Variants in CAP2 observed in about 807,000 individuals in gnomAD.
The protein encoded by CAP2 is cyclase associated actin cytoskeleton regulatory protein 2, also known as adenylyl cyclase-associated protein 2.
Under a neutral mutation model 57.7 loss-of-function variants are expected in CAP2, and 24 were observed. That is an observed-to-expected ratio of 0.42 (90% confidence interval 0.30 to 0.58). The LOEUF (loss-of-function observed/expected upper bound fraction) is 0.58. Ranked by LOEUF, CAP2 falls within the 20% of genes least tolerant of loss-of-function variation. The pLI is 0.22. For synonymous variants in CAP2, 194 were observed against 207.2 expected (o/e 0.94, Z 0.55); for missense variants, 501 against 590.3 (o/e 0.85, Z 1.57).
chr6:17,444,513 G>T (rs1234005672), intron 3 of CAP2, among the ~76,000 whole-genome samples: 1 of 151,470 alleles, frequency 6.6e-6, no homozygotes, highest in Non-Finnish European at 1.5e-5. Flanking sequence ...GGCATGCTAG[G>T]ACCTGTAGAC....
intron 1 of CAP2, among the ~76,000 whole-genome samples, chr6:17,403,266 T>A (rs1264892686): frequency 2.6e-5 from 4 of 152,194 alleles, no homozygotes; most frequent in Non-Finnish European, 5.9e-5. Flanking sequence ...CATGCCCGGC[T>A]AATTTTTTGT....
intron 3 of CAP2, among the ~76,000 whole-genome samples, chr6:17,441,972 A>C (rs1227964464): frequency 2.0e-5 from 3 of 152,214 alleles, no homozygotes; most frequent in Non-Finnish European, 4.4e-5. Context: ...TAGGAATTGT[A>C]ATGAACTCTT....
intron 7 of CAP2, among the ~76,000 whole-genome samples, chr6:17,515,121 C>T (rs1044835169): frequency 1.3e-5 from 2 of 151,570 alleles, no homozygotes; most frequent in African/African-American, 2.4e-5. Flanking sequence ...CGCTTGAATC[C>T]GGGAGGCGGA....
At position 17,513,744 on chromosome 6, in the gene CAP2, G is replaced by A. The variant is rs1369815271; in HGVS notation, c.531-105G>A. On this transcript the variant is annotated intron_variant, in intron 6 of 12. Transcript: ENST00000229922. The surrounding 1 kb of genome is among the most constrained non-coding windows in gnomAD (Gnocchi z 4.3). ...TGGGTTGCAAGGACGATTGCTCCGG[G>A]CTCCAGGGCCCCTAGTCACTAGATA... 3.6e-5 allele frequency: 26 copies of A among 731,050 alleles called. No individual in the cohort carries two copies. 45.3% of individuals were successfully genotyped at this position (731,050 alleles called of 1,614,324 possible). A position where few individuals can be genotyped will look rare whatever the true frequency, so the allele number is the denominator to read the frequency against.
intron 4 of CAP2, among the ~76,000 whole-genome samples, chr6:17,500,384 T>TA (rs869066480): frequency 4.0e-5 from 5 of 124,862 alleles, no homozygotes; most frequent in East Asian, 2.3e-4. Flanking sequence ...TATATATATA[T>TA]TTGGAGACGG....
chr6:17,454,992 C>G (rs1427216073), intron 3 of CAP2, among the ~76,000 whole-genome samples: 1 of 152,110 alleles, frequency 6.6e-6, no homozygotes, highest in Non-Finnish European at 1.5e-5. Flanking sequence ...GGTTTTGTTA[C>G]AGTAGGTTGT....
intron 4 of CAP2, among the ~76,000 whole-genome samples, chr6:17,475,460 A>G (rs773104866): frequency 1.3e-5 from 2 of 152,172 alleles, no homozygotes; most frequent in Non-Finnish European, 2.9e-5. Flanking sequence ...AGTGTTGGTG[A>G]GGCATTTCAT....
In CAP2 at chr6:17,556,677, A is replaced by T; in HGVS notation, c.*235A>T. On this transcript the variant is annotated 3_prime_UTR_variant, in exon 13 of 13. Transcript: ENST00000229922. ...TTTTAGTTCCACATGATGACTTGTGAACATTAGGGATTTAAAGGAAAAAAA... is the reference window on the plus strand; with the variant it reads ...TTTTAGTTCCACATGATGACTTGTGTACATTAGGGATTTAAAGGAAAAAAA... The T allele has an allele frequency of 2.0e-6, 1 of 498,202 alleles. No individual in the cohort carries two copies. The allele number at this position is 498,202 out of a possible 1,614,324, so 30.9% of individuals were successfully genotyped here. A position where few individuals can be genotyped will look rare whatever the true frequency, so the allele number is the denominator to read the frequency against.
intron 12 of CAP2, among the ~76,000 whole-genome samples, chr6:17,554,153 C>A (rs1200938280): frequency 6.6e-6 from 1 of 152,188 alleles, no homozygotes; most frequent in African/African-American, 2.4e-5. Flanking sequence ...GTTGACCAGG[C>A]TGGAGTGCAG....
In CAP2 at chr6:17,546,000, CAT is replaced by C. The variant is rs1302729935; in HGVS notation, c.1209+2860_1209+2861del. Among the ~76,000 whole-genome samples the C allele has an allele frequency of 7.9e-5, 12 of 152,312 alleles. No homozygotes were observed. In the East Asian group the frequency reaches 2.1e-3, roughly 27 times the overall value. Reference sequence around the variant, plus strand: ...CTATTGCGAATAGTGCCGCAATAAACATATGTGTGCATGTGTCTTTATAGCAG... The same window carrying C: ...CTATTGCGAATAGTGCCGCAATAAACATGTGTGCATGTGTCTTTATAGCAG... On this transcript the variant is annotated intron_variant, in intron 11 of 12. Coordinates refer to ENST00000229922, the MANE Select transcript of CAP2 (RefSeq NM_006366.3).
At chr6:17,457,390 C>T (rs191742638) in intron 3 of CAP2, among the ~76,000 whole-genome samples, 67 of 152,336 alleles carry the variant, frequency 4.4e-4, no homozygotes, top group African/African-American at 1.5e-3. Context: ...TTACCAGACT[C>T]AGCAGGTTCG....
intron 7 of CAP2, among the ~76,000 whole-genome samples, chr6:17,515,568 T>C (rs924107375): frequency 2.6e-5 from 4 of 152,088 alleles, no homozygotes; most frequent in African/African-American, 9.7e-5. Flanking sequence ...TCATACAATA[T>C]ACCCACGTAA....
intron 11 of CAP2, among the ~76,000 whole-genome samples, chr6:17,547,616 C>A (rs1360750429): frequency 6.6e-6 from 1 of 152,026 alleles, no homozygotes; most frequent in Non-Finnish European, 1.5e-5. Context: ...CCAAGGTGGG[C>A]AAATCACGAG....
chr6:17,457,123 G>A (rs994374842), intron 3 of CAP2, among the ~76,000 whole-genome samples: 1 of 152,174 alleles, frequency 6.6e-6, no homozygotes, highest in African/African-American at 2.4e-5. Flanking sequence ...TGTGATAACT[G>A]ATAAAGTTCA....
chr6:17,478,805 A>T (rs1761219110), intron 4 of CAP2, among the ~76,000 whole-genome samples: 1 of 152,024 alleles, frequency 6.6e-6, no homozygotes, highest in Non-Finnish European at 1.5e-5. Context: ...ACCAAAAAAG[A>T]CTTTCCCAGT....
At chr6:17,509,995 T>C (rs528930344) in intron 6 of CAP2, among the ~76,000 whole-genome samples, 1 of 152,178 alleles carries the variant, frequency 6.6e-6, no homozygotes, top group Non-Finnish European at 1.5e-5. Context: ...AGACTACATA[T>C]TGTATGATTA....
At chr6:17,497,526 G>A (rs1440775693) in intron 4 of CAP2, among the ~76,000 whole-genome samples, 2 of 152,186 alleles carry the variant, frequency 1.3e-5, no homozygotes, top group Non-Finnish European at 2.9e-5. Flanking sequence ...TCTCCAAAAC[G>A]TCTGGTTTCT....
At chr6:17,435,675 G>A in intron 3 of CAP2, among the ~76,000 whole-genome samples, 1 of 19,828 alleles carries the variant, frequency 5.0e-5, no homozygotes, top group Non-Finnish European at 7.8e-5. Context: ...AAAACTTAGA[G>A]TATAATAAAA....
rs752365578 is a variant in CAP2 at position 17,507,196 on chromosome 6, A to G, written c.328A>G (p.Ile110Val). The change falls in exon 5 of 13, where the codon ATA becomes GTA. Residue 110 changes from isoleucine (I) to valine (V), a missense_variant. Transcript: ENST00000229922. ...ENDVAALLKP[I>V]SEKIQEIQTF... ...TGACGTGGCCGCACTTCTGAAACCCATATCGGAAAAGATTCAGGAAATCCA... is the reference window on the plus strand; with the variant it reads ...TGACGTGGCCGCACTTCTGAAACCCGTATCGGAAAAGATTCAGGAAATCCA... 11 of 1,614,066 alleles carry G rather than the reference A, an allele frequency of 6.8e-6. No homozygotes were observed. The highest frequency in any genetic ancestry group is 4.4e-5 in the South Asian group (4 of 91,084).
Sources: gnomAD v4.1 joint callset for allele counts (sites outside exome capture counted in the v4.1 genomes callset) on GRCh38, gnomAD v4.1.1 for gene constraint, Gnocchi (gnomAD v3.1) non-coding constraint, MANE v1.5 for transcripts, NCBI Gene and HGNC (gene_info 2026-07-23, HGNC 2026-07-21) for gene names.